The following DGKB variants were observed in gnomAD, a reference collection of about 807,000 sequenced individuals.
DGKB encodes the protein diacylglycerol kinase beta.
Under a neutral mutation model 114.3 loss-of-function variants are expected in DGKB, and 67 were observed. The ratio of observed to expected loss-of-function variants is 0.59; its 90% CI spans 0.48 to 0.72. DGKB has a LOEUF of 0.72. Ranked by LOEUF, DGKB falls within the 30% of genes least tolerant of loss-of-function variation. The pLI is 0.00. For synonymous variants in DGKB, 398 were observed against 323.1 expected, an observed-to-expected ratio of 1.23 and a Z score of -2.49; for missense variants, 907 against 975.2, an observed-to-expected ratio of 0.93 and a Z score of 0.93.
chr7:14,912,178 T>C (rs7789465), intron 1 of DGKB, among the ~76,000 whole-genome samples: 36,479 of 152,030 alleles, frequency 0.24, 7,032 homozygotes, highest in East Asian at 0.82. Context: ...TTAAGCTTTC[T>C]AAAGTATGCA....
chr7:14,685,368 T>C lies in DGKB; in HGVS notation c.712-6A>G, dbSNP rs748219060. On this transcript the variant is annotated splice_region_variant and splice_polypyrimidine_tract_variant and intron_variant, in intron 9 of 25. Transcript: ENST00000402815. ...TGTCCATCATCCTTCACGTTCTGCA[T>C]GGGACGTAAGAGAAACAGATTTCAC... The C allele has an allele frequency of 1.3e-6, 2 of 1,599,772 alleles. No individual in the cohort carries two copies. The highest frequency in any genetic ancestry group is 1.3e-5 in the African/African-American group (1 of 74,636).
intron 1 of DGKB, among the ~76,000 whole-genome samples, chr7:14,926,306 T>A (rs1477510344): frequency 2.0e-5 from 3 of 152,052 alleles, no homozygotes; most frequent in African/African-American, 7.2e-5. Context: ...CATATTGGCA[T>A]CTGTTGACTT....
intron 25 of DGKB, among the ~76,000 whole-genome samples, chr7:14,174,766 CCATCACTATCACCATTAT>C (rs1020122303): frequency 9.9e-5 from 15 of 152,118 alleles, no homozygotes; most frequent in African/African-American, 3.6e-4. Flanking sequence ...AGCATCACCA[CCATCACTATCACCATTAT>C]CATCACTATC....
At chr7:14,922,380 G>A (rs1339997609) in intron 1 of DGKB, among the ~76,000 whole-genome samples, 3 of 87,004 alleles carry the variant, frequency 3.4e-5, no homozygotes, top group Admixed American at 1.3e-4. Context: ...TCCATCGTGT[G>A]TGTGTGTGTG....
chr7:14,408,492 C>A (rs1386046914), intron 21 of DGKB, among the ~76,000 whole-genome samples: 1 of 152,058 alleles, frequency 6.6e-6, no homozygotes, highest in Non-Finnish European at 1.5e-5. Flanking sequence ...TGATTGTAGG[C>A]TGAACTGGAA....
intron 21 of DGKB, among the ~76,000 whole-genome samples, chr7:14,457,827 C>G (rs1362995703): frequency 6.6e-6 from 1 of 152,142 alleles, no homozygotes; most frequent in East Asian, 1.9e-4. Context: ...TCAAATATAA[C>G]TCAAATTACA....
chr7:14,827,341 A>C (rs1845834497), intron 2 of DGKB, among the ~76,000 whole-genome samples: 1 of 152,126 alleles, frequency 6.6e-6, no homozygotes, highest in South Asian at 2.1e-4. Flanking sequence ...TATGCCACTG[A>C]AAGTTTCAGA....
intron 6 of DGKB, among the ~76,000 whole-genome samples, chr7:14,703,344 G>A (rs1199237573): frequency 6.6e-6 from 1 of 152,146 alleles, no homozygotes; most frequent in African/African-American, 2.4e-5. Flanking sequence ...GTTCTGATTT[G>A]TTGACCTTAA....
At chr7:14,851,131 C>A (rs148449818) in intron 1 of DGKB, among the ~76,000 whole-genome samples, 1 of 151,838 alleles carries the variant, frequency 6.6e-6, no homozygotes. Context: ...AGTACATATA[C>A]GGGGGAAAAG....
chr7:14,826,391 T>C (rs999157442), intron 2 of DGKB, among the ~76,000 whole-genome samples: 2 of 152,154 alleles, frequency 1.3e-5, no homozygotes, highest in African/African-American at 2.4e-5. Context: ...CCATACTTTA[T>C]ATTTTGTCTT....
chr7:14,538,594 A>G (rs188658714), intron 20 of DGKB, among the ~76,000 whole-genome samples: 4 of 152,294 alleles, frequency 2.6e-5, no homozygotes, highest in Admixed American at 2.6e-4. Flanking sequence ...CAAAAAAAAA[A>G]TTGAACTACC....
At chr7:14,565,440 T>C (rs1797252050) in intron 20 of DGKB, among the ~76,000 whole-genome samples, 1 of 152,178 alleles carries the variant, frequency 6.6e-6, no homozygotes, top group Non-Finnish European at 1.5e-5. Flanking sequence ...TAAAGCCATA[T>C]AGAAATAAAT....
intron 23 of DGKB, among the ~76,000 whole-genome samples, chr7:14,254,429 T>A (rs921796132): frequency 5.3e-5 from 8 of 152,126 alleles, no homozygotes; most frequent in African/African-American, 1.9e-4. Context: ...TGAGGAAGGG[T>A]GCTATTTAAA....
chr7:14,244,040 AGAGAGAGAGAGAGG>A (rs1035604852), intron 23 of DGKB, among the ~76,000 whole-genome samples: 1 of 139,794 alleles, frequency 7.2e-6, no homozygotes, highest in Non-Finnish European at 1.6e-5. Flanking sequence ...AGAGAGACAG[AGAGAGAGAGAGAGG>A]GAGAGAGAGA....
chr7:14,314,008 T>C (rs1195864172), intron 23 of DGKB, among the ~76,000 whole-genome samples: 2 of 152,074 alleles, frequency 1.3e-5, no homozygotes, highest in African/African-American at 2.4e-5. Flanking sequence ...CGAGGCACCC[T>C]CCAGCAGGGG....
intron 2 of DGKB, among the ~76,000 whole-genome samples, chr7:14,827,248 G>A (rs1845823914): frequency 6.6e-6 from 1 of 152,060 alleles, no homozygotes; most frequent in African/African-American, 2.4e-5. Flanking sequence ...AACATTGTGT[G>A]AACTAATAAA....
intron 15 of DGKB, among the ~76,000 whole-genome samples, chr7:14,619,786 T>C (rs1251208443): frequency 6.6e-6 from 1 of 151,728 alleles, no homozygotes; most frequent in Non-Finnish European, 1.5e-5. Flanking sequence ...ATGATGATAA[T>C]AATGGTATTG....
chr7:14,239,017 T>C (rs1462665496), intron 23 of DGKB, among the ~76,000 whole-genome samples: 4 of 152,044 alleles, frequency 2.6e-5, no homozygotes, highest in Non-Finnish European at 5.9e-5. Flanking sequence ...GATAGATGAA[T>C]GCCCACTCCC....
intron 2 of DGKB, among the ~76,000 whole-genome samples, chr7:14,774,406 C>A (rs557417640): frequency 1.3e-5 from 2 of 152,212 alleles, no homozygotes; most frequent in South Asian, 4.1e-4. Context: ...TCTGAAGTTA[C>A]GGAAAAGCCA....
Sources: gnomAD v4.1 joint callset for allele counts (sites outside exome capture counted in the v4.1 genomes callset) on GRCh38, gnomAD v4.1.1 for gene constraint, MANE v1.5 for transcripts, NCBI Gene and HGNC (gene_info 2026-07-23, HGNC 2026-07-21) for gene names.